DAD1: variants seen among roughly 807,000 people sequenced by gnomAD.
DAD1 encodes defender against cell death 1, also known as dolichyl-diphosphooligosaccharide--protein glycosyltransferase subunit DAD1.
A neutral mutation model predicts 9.0 loss-of-function variants in DAD1; 4 were observed. The observed-to-expected ratio is 0.44, with a 90% CI of 0.22 to 1.01. DAD1 has a LOEUF of 1.01. DAD1 is among the 50% of genes least tolerant of loss of function. DAD1 has a pLI of 0.24. For synonymous variants in DAD1, 60 were observed against 62.5 expected (o/e 0.96, Z 0.19); for missense variants, 119 against 137.3 (o/e 0.87, Z 0.67).
At chr14:22,578,222 T>A (rs2037091533) in intron 1 of DAD1, among the ~76,000 whole-genome samples, 1 of 146,104 alleles carries the variant, frequency 6.8e-6, no homozygotes, top group South Asian at 2.1e-4. Flanking sequence ...CATTGCACTC[T>A]AGCATGGGCA....
intron 2 of DAD1, among the ~76,000 whole-genome samples, chr14:22,572,204 T>A (rs2037046222): frequency 6.6e-6 from 1 of 152,122 alleles, no homozygotes; most frequent in Non-Finnish European, 1.5e-5. Flanking sequence ...TTACAGAATT[T>A]TTTTTTTAAT....
intron 2 of DAD1, among the ~76,000 whole-genome samples, chr14:22,568,266 G>A (rs2037014297): frequency 6.6e-6 from 1 of 152,216 alleles, no homozygotes; most frequent in Non-Finnish European, 1.5e-5. Flanking sequence ...ATGAGCTGAT[G>A]TATGTAAAAG....
At chr14:22,581,606 G>A (rs1253454643) in intron 1 of DAD1, among the ~76,000 whole-genome samples, 3 of 151,924 alleles carry the variant, frequency 2.0e-5, no homozygotes, top group African/African-American at 7.3e-5. Context: ...AGCCAGGCTT[G>A]GTGGTGCATG....
intron 2 of DAD1, among the ~76,000 whole-genome samples, chr14:22,566,800 C>G (rs2037004780): frequency 6.6e-6 from 1 of 152,050 alleles, no homozygotes; most frequent in Non-Finnish European, 1.5e-5. Context: ...GAGGCCAGTC[C>G]ACGTGAAAGG....
intron 2 of DAD1, among the ~76,000 whole-genome samples, chr14:22,573,084 T>C (rs749329249): frequency 1.3e-5 from 2 of 152,160 alleles, no homozygotes; most frequent in African/African-American, 2.4e-5. Flanking sequence ...TTCAAACCTA[T>C]AGCGAGGCCC....
At chr14:22,582,959 T>C (rs1288400555) in intron 1 of DAD1, among the ~76,000 whole-genome samples, 4 of 147,906 alleles carry the variant, frequency 2.7e-5, no homozygotes, top group African/African-American at 1.0e-4. Flanking sequence ...TGAGCCGAGA[T>C]TGTGCCACTG....
intron 2 of DAD1, among the ~76,000 whole-genome samples, chr14:22,567,869 CAT>C (rs1307771498): frequency 6.6e-6 from 1 of 152,176 alleles, no homozygotes; most frequent in Admixed American, 6.5e-5. Flanking sequence ...TATGCAGAAA[CAT>C]TTGAGATAGC....
At chr14:22,577,072 T>A (rs1420983583) in intron 1 of DAD1, among the ~76,000 whole-genome samples, 1 of 152,104 alleles carries the variant, frequency 6.6e-6, no homozygotes, top group African/African-American at 2.4e-5. Flanking sequence ...TCAAAAAAAT[T>A]AAAAACAGAA....
At chr14:22,579,878 C>T (rs1020024263) in intron 1 of DAD1, among the ~76,000 whole-genome samples, 36 of 142,654 alleles carry the variant, frequency 2.5e-4, no homozygotes, top group African/African-American at 6.8e-4. Flanking sequence ...CTCACTCCAT[C>T]ACCCAGGCTG....
chr14:22,588,840 T>C (rs2037171740), intron 1 of DAD1, 107 bp downstream of exon 1: 8 of 1,131,266 alleles, frequency 7.1e-6, no homozygotes, highest in Non-Finnish European at 1.0e-5. Context: ...CAATGCAGGC[T>C]CTTCTCATAA....
intron 2 of DAD1, among the ~76,000 whole-genome samples, chr14:22,570,260 GA>G (rs2037029531): frequency 6.6e-6 from 1 of 152,096 alleles, no homozygotes; most frequent in Non-Finnish European, 1.5e-5. Context: ...CTAAGGAGGT[GA>G]AAAAAAGAAA....
chr14:22,572,153 T>C (rs532556709), intron 2 of DAD1, among the ~76,000 whole-genome samples: 55 of 152,280 alleles, frequency 3.6e-4, no homozygotes, highest in African/African-American at 1.2e-3. Context: ...TCAGAGTAGG[T>C]TAGAGTTTGT....
intron 2 of DAD1, among the ~76,000 whole-genome samples, chr14:22,573,755 A>C (rs2037059118): frequency 6.6e-6 from 1 of 151,232 alleles, no homozygotes; most frequent in Non-Finnish European, 1.5e-5. Context: ...AAAGTTTTTC[A>C]CTGAAATAAA....
At chr14:22,583,005 CA>C (rs60692589) in intron 1 of DAD1, among the ~76,000 whole-genome samples, 61 of 91,704 alleles carry the variant, frequency 6.7e-4, no homozygotes, top group East Asian at 2.6e-3. Context: ...GACTATGTCT[CA>C]AAAAAAAAAA....
chr14:22,577,698 T>C (rs930956483), intron 1 of DAD1, among the ~76,000 whole-genome samples: 1 of 152,230 alleles, frequency 6.6e-6, no homozygotes, highest in African/African-American at 2.4e-5. Context: ...AAATACCATG[T>C]GGTTTCACTT....
At chr14:22,582,567 C>T (rs1178942560) in intron 1 of DAD1, among the ~76,000 whole-genome samples, 3 of 151,924 alleles carry the variant, frequency 2.0e-5, no homozygotes, top group Non-Finnish European at 4.4e-5. Flanking sequence ...TACTTAGGAC[C>T]CAAAGAGCTC....
At chr14:22,571,217 C>T (rs1044175168) in intron 2 of DAD1, among the ~76,000 whole-genome samples, 9 of 144,434 alleles carry the variant, frequency 6.2e-5, no homozygotes, top group Non-Finnish European at 1.2e-4. Flanking sequence ...GGGGAGGCTG[C>T]GGCAGGAGAA....
chr14:22,570,513 C>G (rs943513489), intron 2 of DAD1, among the ~76,000 whole-genome samples: 1 of 152,194 alleles, frequency 6.6e-6, no homozygotes, highest in Non-Finnish European at 1.5e-5. Flanking sequence ...CCCCCAAACT[C>G]AACTCCTCAT....
At position 22,589,187 on chromosome 14, in the gene DAD1, C is replaced by G. The variant is rs754529624; in HGVS notation, c.-30G>C. 1.3e-5 allele frequency: 21 copies of G among 1,612,086 alleles called. No individual in the cohort carries two copies. The highest frequency in any genetic ancestry group is 1.8e-5 in the Non-Finnish European group (21 of 1,178,540). On this transcript the variant is annotated 5_prime_UTR_variant, in exon 1 of 3. Transcript: ENST00000250498. ...GCACGCAAGGTACTCCGGTCCGCGC[C>G]CCAAACTCTTGGAGGACCCGTCGAC... is the stretch of plus-strand genomic sequence containing the variant.
Sources: gnomAD v4.1 joint callset for allele counts (sites outside exome capture counted in the v4.1 genomes callset) on GRCh38, gnomAD v4.1.1 for gene constraint, MANE v1.5 for transcripts, NCBI Gene and HGNC (gene_info 2026-07-23, HGNC 2026-07-21) for gene names.